Variants in CCNT1 observed in about 807,000 individuals in gnomAD.
The protein encoded by CCNT1 is cyclin-T1.
In CCNT1, 18 loss-of-function variants were observed where a neutral mutation model predicts 67.3. That is an observed-to-expected ratio of 0.27 (90% CI 0.18 to 0.40). The LOEUF (loss-of-function observed/expected upper bound fraction) is 0.40. Ranked by LOEUF, CCNT1 falls within the 10% of genes least tolerant of loss-of-function variation. The probability of loss-of-function intolerance (pLI) is 1.00; values close to 1 mark genes in which losing one functional copy is unlikely to be tolerated. For synonymous variants in CCNT1, 333 were observed against 310.3 expected (o/e 1.07, Z -0.77); for missense variants, 744 against 884.9 (o/e 0.84, Z 2.02).
At chr12:48,704,613 A>G (rs1940326145) in intron 3 of CCNT1, among the ~76,000 whole-genome samples, 2 of 152,206 alleles carry the variant, frequency 1.3e-5, no homozygotes, top group South Asian at 4.1e-4. Context: ...GATCGAGACC[A>G]TTCTGGCTAA....
intron 2 of CCNT1, among the ~76,000 whole-genome samples, chr12:48,710,040 C>T (rs903668268): frequency 5.3e-5 from 8 of 151,952 alleles, no homozygotes; most frequent in South Asian, 2.1e-4. Flanking sequence ...TACAGGTGCA[C>T]GCCACCATGC....
At chr12:48,715,815 G>C (rs903964276) in intron 1 of CCNT1, among the ~76,000 whole-genome samples, 39 of 152,124 alleles carry the variant, frequency 2.6e-4, no homozygotes, top group African/African-American at 8.7e-4. Context: ...GTAAGTTAAG[G>C]ACCCGGTATT....
Position 48,694,301 on chromosome 12 carries a change from A to C in CCNT1, c.913T>G (p.Ser305Ala), listed in dbSNP as rs140020979. 125 of 1,614,216 alleles carry C rather than the reference A, an allele frequency of 7.7e-5. No homozygotes were observed. In the African/African-American group the frequency reaches 1.6e-3, roughly 20 times the overall value. ...TIAGLMSMST[S>A]TTSAVPSLPV... ...AGGGAAGGCACTGCACTTGTGGTAG[A>C]AGTTGACATGCTCATTAAACCTGCA... The change falls in exon 9 of 9, where the codon TCT (serine) becomes GCT (alanine). Residue 305 changes from serine (S) to alanine (A), a missense_variant. Around this residue, in one of 3 missense-constraint regions of CCNT1, gnomAD observed 564 missense variants for 574.2 expected, o/e 0.98. Coordinates refer to ENST00000261900, the MANE Select transcript of CCNT1 (RefSeq NM_001240.4).
Position 48,696,049 on chromosome 12 carries a change from T to C in CCNT1, c.656A>G (p.Lys219Arg). 1.9e-6 allele frequency: 3 copies of C among 1,614,056 alleles called. No homozygotes were observed. Among genetic ancestry groups the C allele is most frequent in the Non-Finnish European group, 2.5e-6 (3 of 1,180,010 alleles). ...GGCGTCAACATACTCCCACCAGTGC[T>C]TCCCGTCAGTTGAGACTGGGATCTC... ...NWEIPVSTDGKHWWEYVDATV... is the reference protein window; with the variant it reads ...NWEIPVSTDGRHWWEYVDATV... The change falls in exon 7 of 9, where the codon AAG (lysine) becomes AGG (arginine). Residue 219 changes from lysine (K) to arginine (R), a missense_variant. By Grantham distance (26) the Lys-to-Arg change is conservative (BLOSUM62 2). Coordinates refer to ENST00000261900, the MANE Select transcript of CCNT1 (RefSeq NM_001240.4).
At chr12:48,709,742 T>C (rs1229319744) in intron 2 of CCNT1, among the ~76,000 whole-genome samples, 1 of 152,222 alleles carries the variant, frequency 6.6e-6, no homozygotes, top group Non-Finnish European at 1.5e-5. Flanking sequence ...CTAGTTTATG[T>C]GCACAGAAAA....
intron 6 of CCNT1, among the ~76,000 whole-genome samples, chr12:48,696,488 G>A (rs1421878216): frequency 1.3e-5 from 2 of 151,276 alleles, no homozygotes; most frequent in African/African-American, 4.9e-5. Context: ...TTGACTTCTG[G>A]GCCAGTATTC....
In CCNT1 at chr12:48,701,084, G is replaced by T. The variant is rs746593125; in HGVS notation, c.373-11C>A. The T allele has an allele frequency of 9.7e-6, 15 of 1,553,728 alleles. No homozygotes were observed. The highest frequency in any genetic ancestry group is 1.2e-5 in the Non-Finnish European group (14 of 1,137,466). On this transcript the variant is annotated splice_polypyrimidine_tract_variant and intron_variant, in intron 3 of 8. Coordinates refer to ENST00000261900, the MANE Select transcript of CCNT1 (RefSeq NM_001240.4). ...TTGTTGCAAATAAGCCTAAAAGTGA[G>T]AAGACAGAAATTATTCCCTACAAAG...
intron 5 of CCNT1, 32 bp from the exon 6 acceptor site, chr12:48,698,215 G>T: frequency 6.8e-7 from 1 of 1,463,284 alleles, no homozygotes; most frequent in Non-Finnish European, 9.3e-7. Flanking sequence ...CAGGGGTGGG[G>T]GAGGAAAAAA....
rs1798378936 is a variant in CCNT1, at chr12:48,693,788, TTGAAGACGCAGC to T, written c.1414_1425del (p.Ala472_Ser475del). The T allele has an allele frequency of 6.2e-7, 1 of 1,614,000 alleles. No individual in the cohort carries two copies. Among genetic ancestry groups the T allele is most frequent in the Admixed American group, 1.7e-5 (1 of 59,992 alleles). On this transcript the variant is annotated inframe_deletion, in exon 9 of 9. Transcript: ENST00000261900. ...ATGCGCATTTTTATCTCCTCTGGTT[TTGAAGACGCAGC>T]TTTATCTCCACCTGCCACTGGGATT...
intron 2 of CCNT1, among the ~76,000 whole-genome samples, 177 bp downstream of exon 2, chr12:48,714,266 C>A (rs1044664801): frequency 2.0e-5 from 3 of 152,032 alleles, no homozygotes; most frequent in Non-Finnish European, 4.4e-5. Context: ...CAAGTAGACA[C>A]TTAACAGGAA....
intron 8 of CCNT1, among the ~76,000 whole-genome samples, chr12:48,695,145 C>G (rs1940148810): frequency 6.6e-6 from 1 of 152,174 alleles, no homozygotes; most frequent in Non-Finnish European, 1.5e-5. Flanking sequence ...CTTCTAATCT[C>G]AGGCTTCTAA....
intron 2 of CCNT1, among the ~76,000 whole-genome samples, chr12:48,708,638 C>A (rs1940402922): frequency 6.6e-6 from 1 of 151,968 alleles, no homozygotes; most frequent in South Asian, 2.1e-4. Context: ...AATAGGGCTG[C>A]ACTAAATATA....
chr12:48,713,387 G>A (rs1444121621), intron 2 of CCNT1, among the ~76,000 whole-genome samples: 1 of 152,054 alleles, frequency 6.6e-6, no homozygotes, highest in Non-Finnish European at 1.5e-5. Flanking sequence ...ATTACATAAT[G>A]TGCTTTCCCC....
At chr12:48,703,895 C>T (rs1940312974) in intron 3 of CCNT1, among the ~76,000 whole-genome samples, 1 of 148,522 alleles carries the variant, frequency 6.7e-6, no homozygotes, top group African/African-American at 2.5e-5. Context: ...TACTGGACTC[C>T]AGCCAGGGCA....
chr12:48,694,576 A>G (rs1236025498), intron 8 of CCNT1, 140 bp from the exon 9 acceptor site: 1 of 661,104 alleles, frequency 1.5e-6, no homozygotes, highest in East Asian at 2.7e-5. Flanking sequence ...ATGTAATCCA[A>G]TAAATATTAC....
At chr12:48,704,867 T>C (rs1050273996) in intron 3 of CCNT1, among the ~76,000 whole-genome samples, 2 of 152,164 alleles carry the variant, frequency 1.3e-5, no homozygotes, top group African/African-American at 4.8e-5. Flanking sequence ...GTTACGTAAT[T>C]ATTTCATTAT....
In CCNT1 at chr12:48,694,411, T is replaced by C. The variant is rs1360695604; in HGVS notation, c.803A>G (p.Lys268Arg). 3 of 1,612,426 alleles carry C rather than the reference T, an allele frequency of 1.9e-6. No individual in the cohort carries two copies. The highest frequency in any genetic ancestry group is 1.6e-4 in the Middle Eastern group (1 of 6,062). ...TTCATCTGTTCCTCGGTCATCTGCT[T>C]TTGTTTTCTTGGCAGCCTCGCATGC... ...WRACEAAKKT[K>R]ADDRGTDEKT... Residue 268 changes from lysine (K) to arginine (R), a missense_variant, in exon 9 of 9, where the codon AAA becomes AGA. Physicochemically the swap from Lys to Arg is conservative, Grantham distance 26. Around this residue, in one of 3 missense-constraint regions of CCNT1, gnomAD observed 564 missense variants for 574.2 expected, o/e 0.98. Transcript: ENST00000261900.
intron 2 of CCNT1, among the ~76,000 whole-genome samples, chr12:48,712,350 G>A (rs376988955): frequency 3.6e-3 from 552 of 151,296 alleles, no homozygotes; most frequent in African/African-American, 0.013. Context: ...TAGCGATCTC[G>A]GCTCACCACA....
chr12:48,694,468 A>G (rs1565615851), intron 8 of CCNT1, 32 bp from the exon 9 acceptor site: 1 of 1,574,068 alleles, frequency 6.4e-7, no homozygotes, highest in Admixed American at 1.8e-5. Context: ...CTCTTTACTT[A>G]GGTAATTTAC....
Sources: gnomAD v4.1 joint callset for allele counts (sites outside exome capture counted in the v4.1 genomes callset) on GRCh38, gnomAD v4.1.1 for gene constraint, gnomAD v4.1.1 regional missense constraint, MANE v1.5 for transcripts, NCBI Gene and HGNC (gene_info 2026-07-23, HGNC 2026-07-21) for gene names.